PTPRJ: variants seen among roughly 807,000 people sequenced by gnomAD.
PTPRJ encodes the protein receptor-type tyrosine-protein phosphatase eta.
A neutral mutation model predicts 141.3 loss-of-function variants in PTPRJ; 129 were observed. The ratio of observed to expected loss-of-function variants is 0.91; its 90% CI spans 0.79 to 1.06. PTPRJ has a LOEUF of 1.06. Ranked by LOEUF, PTPRJ falls within the 50% of genes least tolerant of loss-of-function variation. The pLI is 0.00. For synonymous variants in PTPRJ, 610 were observed against 640.5 expected (o/e 0.95, Z 0.72); for missense variants, 1,601 against 1,679.7 (o/e 0.95, Z 0.82).
At chr11:48,002,840 A>G (rs138237458) in intron 1 of PTPRJ, among the ~76,000 whole-genome samples, 107 of 152,262 alleles carry the variant, frequency 7.0e-4, no homozygotes, top group Non-Finnish European at 1.4e-3. Context: ...CTCAGTGTTT[A>G]TGTGACACCG....
At position 48,149,498 on chromosome 11, in the gene PTPRJ, T is replaced by C; in HGVS notation, c.3041+10T>C. The stretch of plus-strand genomic sequence containing the variant: ...CCTTTTCTCAAATTAAGTAAGTCTC[T>C]CAAATTATGAGCTTTATTTTAAATC... On this transcript the variant is annotated intron_variant, in intron 16 of 24. Transcript: ENST00000418331. The C allele has an allele frequency of 6.8e-7, 1 of 1,460,144 alleles. No individual in the cohort carries two copies. The highest frequency in any genetic ancestry group is 9.5e-7 in the Non-Finnish European group (1 of 1,057,900). 90.4% of individuals were successfully genotyped at this position (1,460,144 alleles called of 1,614,324 possible).
intron 12 of PTPRJ, among the ~76,000 whole-genome samples, chr11:48,144,349 T>C (rs770202890): frequency 5.9e-5 from 9 of 152,216 alleles, no homozygotes; most frequent in Admixed American, 3.3e-4. Flanking sequence ...AACCTTGGGC[T>C]CTGAGCCCGA....
At chr11:48,035,519 T>G (rs1232460059) in intron 1 of PTPRJ, among the ~76,000 whole-genome samples, 1 of 150,410 alleles carries the variant, frequency 6.6e-6, no homozygotes, top group African/African-American at 2.5e-5. Context: ...TTTCTTTCTT[T>G]TCTTTTTTCT....
At chr11:48,153,712 C>A in intron 18 of PTPRJ, 84 bp from the exon 19 acceptor site, 1 of 871,078 alleles carries the variant, frequency 1.1e-6, no homozygotes, top group Non-Finnish European at 1.9e-6. Flanking sequence ...GACTGTTGGG[C>A]TGGTTTCACT....
intron 22 of PTPRJ, 144 bp downstream of exon 22, chr11:48,160,193 C>A: frequency 8.6e-7 from 1 of 1,163,542 alleles, no homozygotes; most frequent in Non-Finnish European, 1.2e-6. Flanking sequence ...ACAGAACAAT[C>A]CATATGCATG....
At chr11:48,153,403 G>A (rs1857528596) in intron 18 of PTPRJ, among the ~76,000 whole-genome samples, 1 of 150,704 alleles carries the variant, frequency 6.6e-6, no homozygotes, top group Non-Finnish European at 1.5e-5. Flanking sequence ...GCGTGGTGGT[G>A]GGCGTCTGTA....
intron 1 of PTPRJ, among the ~76,000 whole-genome samples, chr11:47,990,275 A>C (rs193148851): frequency 7.9e-4 from 120 of 152,232 alleles, no homozygotes; most frequent in African/African-American, 2.7e-3. Flanking sequence ...TGTATATATA[A>C]TGTTACCTTT....
intron 23 of PTPRJ, 114 bp from the exon 24 acceptor site, chr11:48,164,266 T>G: frequency 7.6e-7 from 1 of 1,319,388 alleles, no homozygotes; most frequent in South Asian, 1.4e-5. Context: ...TCCTGTGCAT[T>G]GCCCTCAAAG....
chr11:48,103,773 A>G (rs887903641), intron 1 of PTPRJ, among the ~76,000 whole-genome samples: 5 of 152,074 alleles, frequency 3.3e-5, no homozygotes, highest in Non-Finnish European at 5.9e-5. Flanking sequence ...AAAATACCCA[A>G]TGGAAACTTC....
In PTPRJ at chr11:48,121,135, C is replaced by T; in HGVS notation, c.485C>T (p.Thr162Ile). ...AAGCATAAGATGGAAAATGAGAAGA[C>T]AATTACTGTTGTGCATCAACCATGG... The part of the protein sequence containing the change: ...VVKHKMENEK[T>I]ITVVHQPWCN... The change falls in exon 4 of 25, where the codon ACA (threonine) becomes ATA (isoleucine). Residue 162 changes from threonine (T) to isoleucine (I), a missense_variant. Coordinates refer to ENST00000418331, the MANE Select transcript of PTPRJ (RefSeq NM_002843.4). The T allele has an allele frequency of 6.2e-7, 1 of 1,614,128 alleles. No homozygotes were observed.
intron 1 of PTPRJ, among the ~76,000 whole-genome samples, chr11:48,070,077 A>G (rs183827674): frequency 6.6e-6 from 1 of 152,372 alleles, no homozygotes; most frequent in Admixed American, 6.5e-5. Context: ...CTCCTCAGCC[A>G]GTTGGTCCTT....
At chr11:48,048,475 A>G (rs1854465686) in intron 1 of PTPRJ, among the ~76,000 whole-genome samples, 1 of 152,146 alleles carries the variant, frequency 6.6e-6, no homozygotes, top group Non-Finnish European at 1.5e-5. Flanking sequence ...TTGTGTTTGT[A>G]GTGTGCTGGC....
chr11:48,127,880 C>A lies in PTPRJ; in HGVS notation c.1194C>A (p.Thr398=). ...VSDNESSSNY[T]YKIHVAGETD... Reference sequence around the variant, plus strand: ...ATAACGAGTCGTCATCTAACTATACCTACAAGATACATGTGGCGGGGGAGA... The same window carrying A: ...ATAACGAGTCGTCATCTAACTATACATACAAGATACATGTGGCGGGGGAGA... Residue 398 remains threonine (T), a synonymous_variant, in exon 7 of 25, where the codon ACC becomes ACA. Coordinates refer to ENST00000418331, the MANE Select transcript of PTPRJ (RefSeq NM_002843.4). 1.2e-6 allele frequency: 2 copies of A among 1,614,220 alleles called. No individual in the cohort carries two copies. The highest frequency in any genetic ancestry group is 2.2e-5 in the South Asian group (2 of 91,082).
intron 1 of PTPRJ, among the ~76,000 whole-genome samples, chr11:47,996,060 G>A (rs1590390356): frequency 1.3e-5 from 2 of 151,774 alleles, no homozygotes; most frequent in East Asian, 3.9e-4. Context: ...AAGGCTGGGT[G>A]CGGTGGCTTA....
chr11:48,146,816 G>A lies in PTPRJ; in HGVS notation c.2912-60G>A, dbSNP rs570363211. ...TGTTAGGGTCCCAGGCCAGTTTTTAGCACATTGTGTGGTCTGCATGAACAC... is the reference window on the plus strand; with the variant it reads ...TGTTAGGGTCCCAGGCCAGTTTTTAACACATTGTGTGGTCTGCATGAACAC... On this transcript the variant is annotated intron_variant, in intron 14 of 24. Transcript: ENST00000418331. 129 of 1,431,552 alleles carry A rather than the reference G, an allele frequency of 9.0e-5. No homozygotes were observed. The African/African-American group carries it at 1.6e-3, about 17-fold the overall frequency. The allele number at this position is 1,431,552 out of a possible 1,614,324, so 88.7% of individuals were successfully genotyped here.
At chr11:48,025,788 T>C (rs1853791229) in intron 1 of PTPRJ, among the ~76,000 whole-genome samples, 2 of 152,228 alleles carry the variant, frequency 1.3e-5, no homozygotes, top group Admixed American at 6.5e-5. Flanking sequence ...TCAGCTCCTA[T>C]GTGTGGCCTC....
intron 1 of PTPRJ, among the ~76,000 whole-genome samples, chr11:48,100,524 G>A (rs1287640484): frequency 6.6e-6 from 1 of 152,176 alleles, no homozygotes; most frequent in Non-Finnish European, 1.5e-5. Flanking sequence ...TTTTAGAGCA[G>A]TTTTAGGTTC....
chr11:48,045,355 CCTGGA>C (rs1854365224), intron 1 of PTPRJ, among the ~76,000 whole-genome samples: 1 of 151,986 alleles, frequency 6.6e-6, no homozygotes, highest in Admixed American at 6.6e-5. Flanking sequence ...ATTGGGTGAC[CCTGGA>C]CTATGAATAT....
intron 1 of PTPRJ, among the ~76,000 whole-genome samples, chr11:48,081,186 G>T (rs920565662): frequency 2.0e-5 from 3 of 152,206 alleles, no homozygotes; most frequent in Non-Finnish European, 4.4e-5. Context: ...AATAAAGACA[G>T]GAACTAAGCA....
Sources: gnomAD v4.1 joint callset for allele counts (sites outside exome capture counted in the v4.1 genomes callset) on GRCh38, gnomAD v4.1.1 for gene constraint, MANE v1.5 for transcripts, NCBI Gene and HGNC (gene_info 2026-07-23, HGNC 2026-07-21) for gene names.